The following CHD6 variants were observed in gnomAD, a reference collection of about 807,000 sequenced individuals.
The protein encoded by CHD6 is ATP-dependent chromatin remodeler CHD6.
In CHD6, 50 loss-of-function variants were observed where a neutral mutation model predicts 276.9. That is an observed-to-expected ratio of 0.18 (90% CI 0.14 to 0.23). CHD6 has a LOEUF of 0.23. Among genes scored for constraint, CHD6 ranks in the 10% least tolerant of loss-of-function variants. The probability of loss-of-function intolerance (pLI) is 1.00; values close to 1 mark genes in which losing one functional copy is unlikely to be tolerated. For synonymous variants in CHD6, 1,173 were observed against 1,229.3 expected (o/e 0.95, Z 0.96); for missense variants, 2,564 against 3,365.8 (o/e 0.76, Z 5.89).
chr20:41,583,085 G>A (rs2045557860), intron 1 of CHD6, among the ~76,000 whole-genome samples: 1 of 151,730 alleles, frequency 6.6e-6, no homozygotes, highest in South Asian at 2.1e-4. Flanking sequence ...TTTGGCAGGG[G>A]GGAAAAAAAG....
chr20:41,423,643 A>C lies in CHD6; in HGVS notation c.4404T>G (p.Val1468=). The C allele has an allele frequency of 2.5e-6, 4 of 1,614,208 alleles. No individual in the cohort carries two copies. The highest frequency in any genetic ancestry group is 3.4e-6 in the Non-Finnish European group (4 of 1,180,040). The change falls in exon 30 of 37, where the codon GTT becomes GTG. Residue 1468 remains valine, a synonymous_variant. Transcript: ENST00000373233. ...FYRTVSSFGV[V]YDQEKKTFDW... Reference sequence around the variant, plus strand: ...CAAAGGTTTTCTTTTCTTGATCGTAAACAACACCAAAGGAAGACACTGTTC... The same window carrying C: ...CAAAGGTTTTCTTTTCTTGATCGTACACAACACCAAAGGAAGACACTGTTC...
chr20:41,614,408 A>T (rs1368169471), intron 1 of CHD6, among the ~76,000 whole-genome samples: 1 of 152,206 alleles, frequency 6.6e-6, no homozygotes, highest in East Asian at 1.9e-4. Context: ...CATTATGACT[A>T]TAAAGAAAAA....
intron 5 of CHD6, among the ~76,000 whole-genome samples, chr20:41,510,175 A>G (rs2044083059): frequency 6.6e-6 from 1 of 152,216 alleles, no homozygotes; most frequent in African/African-American, 2.4e-5. Context: ...CTCTTCTTCA[A>G]TGATTTTCTG....
intron 17 of CHD6, among the ~76,000 whole-genome samples, chr20:41,468,891 A>G (rs574275867): frequency 2.0e-5 from 3 of 152,166 alleles, no homozygotes; most frequent in South Asian, 4.2e-4. Flanking sequence ...GCTCATGACT[A>G]TAACTCCAGC....
At chr20:41,519,315 T>C (rs946688895) in intron 3 of CHD6, among the ~76,000 whole-genome samples, 2 of 152,064 alleles carry the variant, frequency 1.3e-5, no homozygotes, top group African/African-American at 4.8e-5. Context: ...AAAAACAAAG[T>C]GGATAAACAG....
chr20:41,427,983 T>C (rs1477291790), intron 27 of CHD6, among the ~76,000 whole-genome samples: 1 of 152,118 alleles, frequency 6.6e-6, no homozygotes, highest in Non-Finnish European at 1.5e-5. Context: ...GCCCCAGAGC[T>C]ACCATGTTCC....
intron 20 of CHD6, among the ~76,000 whole-genome samples, chr20:41,454,313 T>C (rs989233962): frequency 1.3e-5 from 2 of 152,224 alleles, no homozygotes; most frequent in African/African-American, 4.8e-5. Context: ...GAAATACAAA[T>C]AAAATAGTCA....
At chr20:41,546,538 T>C (rs2045046582) in intron 2 of CHD6, among the ~76,000 whole-genome samples, 2 of 152,216 alleles carry the variant, frequency 1.3e-5, no homozygotes, top group African/African-American at 4.8e-5. Context: ...TTTTATGTTT[T>C]TCCCAGTGCC....
At position 41,413,471 on chromosome 20, in the gene CHD6, G is replaced by T; in HGVS notation, c.6984C>A (p.His2328Gln). Residue 2328 changes from histidine to glutamine, a missense_variant, in exon 35 of 37, where the codon CAC becomes CAA. Physicochemically the swap from His to Gln is conservative, Grantham distance 24. Coordinates refer to ENST00000373233, the MANE Select transcript of CHD6 (RefSeq NM_032221.5). ...AGGTGGCAGGCCCTGGCCCCTCAGGGTGTGTGGTGCTCAAGGTGGCCTGCC... is the reference window on the plus strand; with the variant it reads ...AGGTGGCAGGCCCTGGCCCCTCAGGTTGTGTGGTGCTCAAGGTGGCCTGCC... ...DPGQATLSTT[H>Q]PEGPGPATSA... 1.9e-6 allele frequency: 3 copies of T among 1,607,062 alleles called. No individual in the cohort carries two copies. Among genetic ancestry groups the T allele is most frequent in the Non-Finnish European group, 2.5e-6 (3 of 1,177,240 alleles).
intron 3 of CHD6, among the ~76,000 whole-genome samples, chr20:41,518,053 G>C (rs2044293838): frequency 6.6e-6 from 1 of 152,068 alleles, no homozygotes; most frequent in South Asian, 2.1e-4. Context: ...GTTTTTTATA[G>C]CTCTCTTAGA....
chr20:41,553,575 C>T (rs976571386), intron 1 of CHD6, among the ~76,000 whole-genome samples: 5 of 152,216 alleles, frequency 3.3e-5, no homozygotes, highest in African/African-American at 1.2e-4. Context: ...AGTTTAAGAG[C>T]GTGAGGTCTA....
chr20:41,482,232 A>G (rs902074290), intron 16 of CHD6, among the ~76,000 whole-genome samples: 1 of 152,318 alleles, frequency 6.6e-6, no homozygotes, highest in Middle Eastern at 3.4e-3. Context: ...CTCTGGCAAT[A>G]GGCTCCTAAT....
Position 41,521,326 on chromosome 20 carries a change from T to G in CHD6, c.555-6374A>C, listed in dbSNP as rs529162527. On this transcript the variant is annotated intron_variant, in intron 3 of 36. Transcript: ENST00000373233. ...AAACCAATTCTGAAATTTTTTTTCT[T>G]GGTAGTTAAATGGTGAAGTGACTCT... is the stretch of plus-strand genomic sequence containing the variant. Among the ~76,000 whole-genome samples the G allele has an allele frequency of 8.0e-4, 122 of 152,274 alleles. 1 individual carries two copies. Among genetic ancestry groups the G allele is most frequent in the African/African-American group, 2.7e-3 (112 of 41,568 alleles).
chr20:41,585,938 A>G (rs1343091692), intron 1 of CHD6, among the ~76,000 whole-genome samples: 2 of 152,186 alleles, frequency 1.3e-5, no homozygotes, highest in Non-Finnish European at 2.9e-5. Flanking sequence ...GACTGCACCC[A>G]CCTTTAAACA....
chr20:41,589,668 G>C (rs2045634758), intron 1 of CHD6, among the ~76,000 whole-genome samples: 1 of 152,170 alleles, frequency 6.6e-6, no homozygotes, highest in Non-Finnish European at 1.5e-5. Context: ...CAAGGAATGT[G>C]AAGTACCTCT....
intron 5 of CHD6, among the ~76,000 whole-genome samples, chr20:41,504,331 T>G (rs1350616721): frequency 1.3e-5 from 2 of 151,588 alleles, no homozygotes; most frequent in Non-Finnish European, 1.5e-5. Context: ...TATCTGATTT[T>G]CTTTATAGAT....
intron 1 of CHD6, among the ~76,000 whole-genome samples, chr20:41,600,090 G>A (rs1467126000): frequency 2.6e-5 from 4 of 152,182 alleles, no homozygotes; most frequent in African/African-American, 4.8e-5. Context: ...TTGTGGCACC[G>A]AGCACTTGTC....
In CHD6 at chr20:41,568,399, A is replaced by C. The variant is rs575314958; in HGVS notation, c.-23-17039T>G. On this transcript the variant is annotated intron_variant, in intron 1 of 36. Transcript: ENST00000373233. ...TCCAAGATGGCAGGGAAACAAAGTA[A>C]ACACATTAACAAAATTATAACAGAC... Among the ~76,000 whole-genome samples, 79 of 152,384 alleles carry C rather than the reference A, an allele frequency of 5.2e-4. 1 individual carries two copies. The highest frequency in any genetic ancestry group is 1.7e-3 in the African/African-American group (70 of 41,588).
At position 41,614,388 on chromosome 20, in the gene CHD6, C is replaced by T. The variant is rs372814904; in HGVS notation, c.-24+3952G>A. 8.5e-5 allele frequency among the ~76,000 whole-genome samples: 13 copies of T among 152,210 alleles called. No homozygotes were observed. The East Asian group carries it at 2.3e-3, about 27-fold the overall frequency. ...TTAGGTTTGTTCCTTGCTAAAATTTCTAAGTCCTTCATTATGACTATAAAG... is the reference window on the plus strand; with the variant it reads ...TTAGGTTTGTTCCTTGCTAAAATTTTTAAGTCCTTCATTATGACTATAAAG... On this transcript the variant is annotated intron_variant, in intron 1 of 36. Transcript: ENST00000373233.
Sources: gnomAD v4.1 joint callset for allele counts (sites outside exome capture counted in the v4.1 genomes callset) on GRCh38, gnomAD v4.1.1 for gene constraint, MANE v1.5 for transcripts, NCBI Gene and HGNC (gene_info 2026-07-23, HGNC 2026-07-21) for gene names.